Variants in RRM1 observed in about 807,000 individuals in gnomAD.
RRM1 encodes the protein ribonucleoside-diphosphate reductase large subunit.
In RRM1, 19 loss-of-function variants were observed where a neutral mutation model predicts 101.5. That is an observed-to-expected ratio of 0.19 (90% CI 0.13 to 0.27). RRM1 has a LOEUF of 0.27. Ranked by LOEUF, RRM1 falls within the 10% of genes least tolerant of loss-of-function variation. RRM1 has a pLI of 1.00. For synonymous variants in RRM1, 298 were observed against 323.4 expected, an observed-to-expected ratio of 0.92 and a Z score of 0.84; for missense variants, 500 against 962.9, an observed-to-expected ratio of 0.52 and a Z score of 6.36.
chr11:4,129,208 G>C (rs1046311825), intron 15 of RRM1, 58 bp downstream of exon 15: 8 of 977,830 alleles, frequency 8.2e-6, no homozygotes, highest in Non-Finnish European at 1.3e-5. Context: ...TCACCTTCTG[G>C]ATCTTCAGAA....
At position 4,106,127 on chromosome 11, in the gene RRM1, G is replaced by A; in HGVS notation, c.190G>A (p.Ala64Thr). The A allele has an allele frequency of 6.2e-7, 1 of 1,614,044 alleles. No homozygotes were observed. The highest frequency in any genetic ancestry group is 8.5e-7 in the Non-Finnish European group (1 of 1,179,920). The change falls in exon 3 of 19, where the codon GCT (alanine) becomes ACT (threonine). Residue 64 changes from alanine to threonine, a missense_variant. By Grantham distance (58) the Ala-to-Thr change is moderately conservative (BLOSUM62 0). Coordinates refer to ENST00000300738, the MANE Select transcript of RRM1 (RefSeq NM_001033.5). ...ACTAGATACTTTGGCTGCTGAAACAGCTGCAACCTTGACTACTAAGCACCC... is the reference window on the plus strand; with the variant it reads ...ACTAGATACTTTGGCTGCTGAAACAACTGCAACCTTGACTACTAAGCACCC... ...VELDTLAAET[A>T]ATLTTKHPDY...
chr11:4,130,687 G>A (rs1051450572), intron 15 of RRM1, among the ~76,000 whole-genome samples: 1 of 151,934 alleles, frequency 6.6e-6, no homozygotes, highest in Admixed American at 6.6e-5. Flanking sequence ...CTGTGACTCT[G>A]TCTCAAAAAA....
At chr11:4,115,204 G>A (rs911773962) in intron 7 of RRM1, among the ~76,000 whole-genome samples, 3 of 152,306 alleles carry the variant, frequency 2.0e-5, no homozygotes, top group East Asian at 1.9e-4. Flanking sequence ...GCCCAAAAAT[G>A]TCAGGTCGAA....
intron 8 of RRM1, chr11:4,119,028 G>C (rs765435367): frequency 6.6e-6 from 1 of 152,292 alleles, no homozygotes; most frequent in Admixed American, 6.5e-5. Flanking sequence ...TTAGTTTACT[G>C]TTCAATGGGA....
In RRM1 at chr11:4,110,962, C is replaced by T. The variant is rs1306762960; in HGVS notation, c.448-639C>T. On this transcript the variant is annotated intron_variant, in intron 5 of 18. Transcript: ENST00000300738. ...ATCCGTGCCTAGTCTGTTACAGGCGCTTTTTAAGTGTTAGCTGTTGTGAAG... is the reference window on the plus strand; with the variant it reads ...ATCCGTGCCTAGTCTGTTACAGGCGTTTTTTAAGTGTTAGCTGTTGTGAAG... 2.6e-5 allele frequency among the ~76,000 whole-genome samples: 4 copies of T among 152,056 alleles called. No homozygotes were observed. The East Asian group carries it at 5.8e-4, about 22-fold the overall frequency.
chr11:4,099,081 A>G (rs1292055908), intron 1 of RRM1, among the ~76,000 whole-genome samples: 1 of 152,158 alleles, frequency 6.6e-6, no homozygotes, highest in Non-Finnish European at 1.5e-5. Flanking sequence ...CTGAAGAGAG[A>G]AGAATGAAAG....
At chr11:4,116,110 G>C (rs1053688414) in intron 7 of RRM1, 1 of 152,336 alleles carries the variant, frequency 6.6e-6, no homozygotes, top group Middle Eastern at 3.4e-3. Flanking sequence ...GGTGCAGCGT[G>C]CTTTTATGGA....
chr11:4,102,140 C>T, intron 2 of RRM1, 59 bp downstream of exon 2: 1 of 880,332 alleles, frequency 1.1e-6, no homozygotes, highest in Non-Finnish European at 1.9e-6. Flanking sequence ...TTCCATTTGT[C>T]TCTTATCCCT....
chr11:4,097,329 T>C (rs975248926), intron 1 of RRM1, among the ~76,000 whole-genome samples: 1 of 148,692 alleles, frequency 6.7e-6, no homozygotes, highest in African/African-American at 2.5e-5. Flanking sequence ...TAACTAGCTC[T>C]AAAAAGCAGA....
At chr11:4,105,899 A>C in intron 2 of RRM1, 147 bp from the exon 3 acceptor site, 1 of 650,758 alleles carries the variant, frequency 1.5e-6, no homozygotes, top group Admixed American at 2.9e-5. Flanking sequence ...TGCTAAGCTT[A>C]AGTGATCTCC....
intron 1 of RRM1, among the ~76,000 whole-genome samples, chr11:4,099,949 C>CG (rs948807445): frequency 3.4e-4 from 52 of 152,168 alleles, no homozygotes; most frequent in East Asian, 7.7e-4. Context: ...GCTTTCCCCC[C>CG]CCACTGCATG....
At chr11:4,111,190 T>A (rs957188410) in intron 5 of RRM1, among the ~76,000 whole-genome samples, 1 of 151,642 alleles carries the variant, frequency 6.6e-6, no homozygotes, top group Non-Finnish European at 1.5e-5. Context: ...AAGTTTTTTT[T>A]AAAAAAAGTG....
chr11:4,113,984 A>T (rs1237031295), intron 7 of RRM1, among the ~76,000 whole-genome samples: 2 of 151,814 alleles, frequency 1.3e-5, no homozygotes, highest in Non-Finnish European at 2.9e-5. Context: ...GATATAAAAA[A>T]ACTAGCCAGG....
At chr11:4,107,143 C>T (rs1246793547) in intron 3 of RRM1, among the ~76,000 whole-genome samples, 18 of 152,344 alleles carry the variant, frequency 1.2e-4, no homozygotes, top group African/African-American at 3.1e-4. Context: ...CCACCCGCCT[C>T]GGCCTCCCAA....
intron 16 of RRM1, among the ~76,000 whole-genome samples, chr11:4,133,030 C>T (rs1006565400): frequency 6.6e-6 from 1 of 151,998 alleles, no homozygotes; most frequent in Admixed American, 6.6e-5. Context: ...TTTGCAAACG[C>T]CATATGTTTC....
chr11:4,133,169 A>G (rs182008193), intron 16 of RRM1, among the ~76,000 whole-genome samples: 9 of 152,236 alleles, frequency 5.9e-5, no homozygotes, highest in East Asian at 3.9e-4. Flanking sequence ...CCACACCACA[A>G]TGTTTTTGTT....
At chr11:4,114,863 C>T (rs1337511825) in intron 7 of RRM1, among the ~76,000 whole-genome samples, 1 of 152,052 alleles carries the variant, frequency 6.6e-6, no homozygotes, top group African/African-American at 2.4e-5. Context: ...CAGGCGTGCA[C>T]CACCACACCC....
At chr11:4,123,121 G>A (rs2094584221) in intron 11 of RRM1, 62 bp from the exon 12 acceptor site, 1 of 1,253,200 alleles carries the variant, frequency 8.0e-7, no homozygotes, top group Admixed American at 2.1e-5. Flanking sequence ...ATGTCTTCAA[G>A]TTGTCTACAA....
rs548645688 is a variant in RRM1 at position 4,105,857 on chromosome 11, G to A, written c.109-189G>A. On this transcript the variant is annotated intron_variant, in intron 2 of 18. Transcript: ENST00000300738. ...TGTGATTATGGGTGTGAGCCACAAC[G>A]CCTGGCTTTTTTTTTTAATAGTGTC... Among the ~76,000 whole-genome samples the A allele has an allele frequency of 5.9e-5, 9 of 151,654 alleles. 1 individual carries two copies. The South Asian group carries it at 1.0e-3, about 18-fold the overall frequency.
Sources: allele counts gnomAD v4.1 joint callset (sites outside exome capture counted in the v4.1 genomes callset), GRCh38; gene constraint gnomAD v4.1.1; transcripts MANE v1.5; gene names NCBI Gene and HGNC (gene_info 2026-07-23, HGNC 2026-07-21).